The following SNX29 variants were observed in gnomAD, a reference collection of about 807,000 sequenced individuals.
SNX29 encodes the protein sorting nexin-29.
In SNX29, 78 loss-of-function variants were observed where a neutral mutation model predicts 102.1. That is an observed-to-expected ratio of 0.76 (90% confidence interval 0.64 to 0.92). The LOEUF is 0.92. Among genes scored for constraint, SNX29 ranks in the 40% least tolerant of loss-of-function variants. SNX29 has a pLI of 0.00. For synonymous variants in SNX29, 580 were observed against 414.5 expected, an observed-to-expected ratio of 1.40 and a Z score of -4.85; for missense variants, 1,280 against 1,061.7, an observed-to-expected ratio of 1.21 and a Z score of -2.86.
intron 15 of SNX29, among the ~76,000 whole-genome samples, chr16:12,295,424 T>G (rs911466211): frequency 3.9e-5 from 6 of 152,390 alleles, no homozygotes; most frequent in Non-Finnish European, 8.8e-5. Flanking sequence ...CTTAGTTTTG[T>G]TTTTGAGAAA....
intron 20 of SNX29, among the ~76,000 whole-genome samples, chr16:12,543,803 C>T (rs576139706): frequency 6.6e-5 from 10 of 152,230 alleles, no homozygotes; most frequent in Non-Finnish European, 1.0e-4. Context: ...AGAGATTTCT[C>T]CCAGCCCATG....
intron 15 of SNX29, among the ~76,000 whole-genome samples, chr16:12,335,896 A>G (rs1236868403): frequency 6.6e-6 from 1 of 151,860 alleles, no homozygotes. Context: ...CATGTGGCTC[A>G]TCACTGGCAG....
In SNX29 at chr16:12,573,795, G is replaced by C; in HGVS notation, c.*5166G>C. ...CCAGAGACCATTAATTTCCCGGAGT[G>C]AAGGGGATGGGGGTAGAGCTAATTG... On this transcript the variant is annotated 3_prime_UTR_variant, in exon 21 of 21. Coordinates refer to ENST00000566228, the MANE Select transcript of SNX29 (RefSeq NM_032167.5). 4.5e-6 allele frequency: 1 copy of C among 221,170 alleles called. No individual in the cohort carries two copies. Among genetic ancestry groups the C allele is most frequent in the East Asian group, 6.6e-5 (1 of 15,084 alleles). 13.7% of individuals were successfully genotyped at this position (221,170 alleles called of 1,614,324 possible). A position where few individuals can be genotyped will look rare whatever the true frequency, so the allele number is the denominator to read the frequency against.
At chr16:12,524,896 G>A (rs1011362958) in intron 20 of SNX29, 55 bp downstream of exon 20, 7 of 1,592,688 alleles carry the variant, frequency 4.4e-6, no homozygotes, top group East Asian at 2.2e-5. Context: ...TTTTTTTCTC[G>A]GTCGTTTTGG....
intron 14 of SNX29, among the ~76,000 whole-genome samples, chr16:12,261,021 T>TGC (rs2078733663): frequency 2.5e-5 from 3 of 120,260 alleles, no homozygotes; most frequent in Admixed American, 8.5e-5. Context: ...TCTGTGCACG[T>TGC]GTCCCCGGCT....
intron 16 of SNX29, among the ~76,000 whole-genome samples, chr16:12,395,500 C>T (rs115065322): frequency 6.6e-6 from 1 of 152,230 alleles, no homozygotes; most frequent in African/African-American, 2.4e-5. Flanking sequence ...CTCTGTTGCT[C>T]TAGTAACGGG....
chr16:12,105,906 C>T (rs1359093886), intron 11 of SNX29, among the ~76,000 whole-genome samples: 2 of 152,118 alleles, frequency 1.3e-5, no homozygotes, highest in African/African-American at 4.8e-5. Flanking sequence ...CCATATTTAC[C>T]AGCGAGCTCA....
chr16:12,161,496 A>G (rs1289478470), intron 13 of SNX29, among the ~76,000 whole-genome samples: 6 of 152,214 alleles, frequency 3.9e-5, no homozygotes, highest in Admixed American at 6.5e-5. Flanking sequence ...GCTGGGCTCC[A>G]GTAGCCACTG....
chr16:12,394,613 G>A (rs748551297), intron 16 of SNX29, among the ~76,000 whole-genome samples: 7 of 152,110 alleles, frequency 4.6e-5, no homozygotes, highest in Non-Finnish European at 1.0e-4. Context: ...CATCCAAGAT[G>A]GTGCTCTCAT....
chr16:12,547,054 G>A (rs988023839), intron 20 of SNX29, among the ~76,000 whole-genome samples: 1 of 152,204 alleles, frequency 6.6e-6, no homozygotes, highest in Admixed American at 6.5e-5. Flanking sequence ...GGGGGACACA[G>A]ACATTGAATA....
intron 15 of SNX29, among the ~76,000 whole-genome samples, chr16:12,295,742 C>G (rs2151078942): frequency 6.6e-6 from 1 of 152,150 alleles, no homozygotes; most frequent in South Asian, 2.1e-4. Context: ...AAGACTATTT[C>G]TTTAGCAAAG....
rs2089791709 is a variant in SNX29 at position 12,514,846 on chromosome 16, CAG to C, written c.2179-9853_2179-9852del. Among the ~76,000 whole-genome samples, 3 of 149,658 alleles carry C rather than the reference CAG, an allele frequency of 2.0e-5. No homozygotes were observed. The South Asian group carries it at 6.3e-4, about 32-fold the overall frequency. On this transcript the variant is annotated intron_variant, in intron 19 of 20. Coordinates refer to ENST00000566228, the MANE Select transcript of SNX29 (RefSeq NM_032167.5). ...TGCCACTGCACTCTAGCCTGGACAA[CAG>C]AGCAAAATTAGGTCTCTAAAAAACA...
intron 3 of SNX29, among the ~76,000 whole-genome samples, chr16:12,008,601 TG>T (rs767620804): frequency 2.0e-5 from 3 of 152,022 alleles, no homozygotes; most frequent in East Asian, 3.9e-4. Context: ...AATGACAGCT[TG>T]TTCAAAATAG....
Position 12,390,319 on chromosome 16 carries a change from G to A in SNX29, c.1900-8127G>A, listed in dbSNP as rs554391731. Among the ~76,000 whole-genome samples, 80 of 152,184 alleles carry A rather than the reference G, an allele frequency of 5.3e-4. No individual in the cohort carries two copies. In the South Asian group the frequency reaches 9.5e-3, roughly 18 times the overall value. On this transcript the variant is annotated intron_variant, in intron 16 of 20. Coordinates refer to ENST00000566228, the MANE Select transcript of SNX29 (RefSeq NM_032167.5). ...CTTAAATCCCTCATAGGTTTCCCCC[G>A]TCGGAGCACAGACCAAAGCCGTGCT... is the stretch of plus-strand genomic sequence containing the variant.
At chr16:12,170,890 G>A (rs763327190) in intron 13 of SNX29, among the ~76,000 whole-genome samples, 1 of 151,856 alleles carries the variant, frequency 6.6e-6, no homozygotes, top group African/African-American at 2.4e-5. Flanking sequence ...CAGGGCCTCC[G>A]AGACATCCCG....
At chr16:12,188,539 T>C (rs1240429521) in intron 13 of SNX29, among the ~76,000 whole-genome samples, 1 of 152,110 alleles carries the variant, frequency 6.6e-6, no homozygotes, top group East Asian at 1.9e-4. Context: ...CCAGGATATT[T>C]TGGGTGTGTG....
At chr16:12,026,799 A>T (rs1396690216) in intron 3 of SNX29, among the ~76,000 whole-genome samples, 3 of 152,230 alleles carry the variant, frequency 2.0e-5, no homozygotes, top group Admixed American at 6.5e-5. Flanking sequence ...ATAAAGAATG[A>T]GAATCAGAAT....
rs1171950265 is a variant in SNX29, at chr16:12,071,116, G to T, written c.1319+1984G>T. Among the ~76,000 whole-genome samples, 68 of 151,706 alleles carry T rather than the reference G, an allele frequency of 4.5e-4. No homozygotes were observed. The South Asian group carries it at 0.012, about 26-fold the overall frequency. The stretch of plus-strand genomic sequence containing the variant: ...TGCGAAAATTTTCTCCCATTCTGTA[G>T]GTTGCCTGTTCACTCTGATGGTAGT... On this transcript the variant is annotated intron_variant, in intron 10 of 20. Coordinates refer to ENST00000566228, the MANE Select transcript of SNX29 (RefSeq NM_032167.5).
chr16:12,562,731 C>CT (rs1383069663), intron 20 of SNX29, among the ~76,000 whole-genome samples: 2 of 152,194 alleles, frequency 1.3e-5, no homozygotes, highest in African/African-American at 4.8e-5. Context: ...CTGTTTCTCG[C>CT]TTTTATGGCA....
Sources: gnomAD v4.1 joint callset for allele counts (sites outside exome capture counted in the v4.1 genomes callset) on GRCh38, gnomAD v4.1.1 for gene constraint, MANE v1.5 for transcripts, NCBI Gene and HGNC (gene_info 2026-07-23, HGNC 2026-07-21) for gene names.